The following PAM variants were observed in gnomAD, a reference collection of about 807,000 sequenced individuals.
PAM encodes peptidyl-glycine alpha-amidating monooxygenase.
PAM carries 72 observed loss-of-function variants against 122.1 expected under a neutral mutation model. That is an observed-to-expected ratio of 0.59 (90% CI 0.49 to 0.72). The LOEUF (loss-of-function observed/expected upper bound fraction) is 0.72, where lower values mean the gene tolerates loss of function less well. Among genes scored for constraint, PAM ranks in the 30% least tolerant of loss-of-function variants. PAM has a pLI of 0.00. For missense variants in PAM, 1,106 were observed against 1,183.7 expected (o/e 0.93, Z 0.96); for synonymous variants, 389 against 404.4 (o/e 0.96, Z 0.46).
At position 102,836,859 on chromosome 5, in the gene PAM, C is replaced by CGAGAGAGAGAGAGAGAGAGAGAGAGA. The variant is rs57617414; in HGVS notation, c.-373-28950_-373-28925dup. ...ATTATGGATGGACCAAGAAAGAAACCGAGAGAGAGAGAGAGAGAGAGAGAG... is the reference window on the plus strand; with the variant it reads ...ATTATGGATGGACCAAGAAAGAAACCGAGAGAGAGAGAGAGAGAGAGAGAGAGAGAGAGAGAGAGAGAGAGAGAGAG... On this transcript the variant is annotated intron_variant, in intron 1 of 25. Transcript: ENST00000438793. Among the ~76,000 whole-genome samples the CGAGAGAGAGAGAGAGAGAGAGAGAGA allele has an allele frequency of 2.6e-4, 32 of 120,824 alleles. 2 individuals are homozygous for CGAGAGAGAGAGAGAGAGAGAGAGAGA. In the South Asian group the frequency reaches 3.3e-3, roughly 13 times the overall value. The allele number at this position is 120,824 out of a possible 152,430, so 79.3% of individuals were successfully genotyped here.
At position 102,950,767 on chromosome 5, in the gene PAM, G is replaced by A. The variant is rs771103012; in HGVS notation, c.852G>A (p.Leu284=). ...TTGATGTAAGTTTTGGTGACCTACT[G>A]GCTGCAAGATGTGTATTCACTGGTG... ...HPVDVSFGDL[L]AARCVFTGEG... Residue 284 remains leucine, a synonymous_variant, in exon 12 of 26, where the codon CTG becomes CTA. Transcript: ENST00000438793. 2 of 1,612,386 alleles carry A rather than the reference G, an allele frequency of 1.2e-6. No homozygotes were observed. The highest frequency in any genetic ancestry group is 1.7e-6 in the Non-Finnish European group (2 of 1,178,732).
At chr5:103,014,174 G>T (rs949149691) in intron 21 of PAM, among the ~76,000 whole-genome samples, 1 of 152,138 alleles carries the variant, frequency 6.6e-6, no homozygotes, top group Non-Finnish European at 1.5e-5. Context: ...TAATGATAAT[G>T]TACTGTGTCA....
intron 1 of PAM, among the ~76,000 whole-genome samples, chr5:102,796,374 C>T (rs1763381383): frequency 6.6e-6 from 1 of 152,156 alleles, no homozygotes; most frequent in Admixed American, 6.5e-5. Context: ...TTATTTATTT[C>T]CCAGATGTCA....
chr5:102,765,763 G>A (rs988326762), intron 1 of PAM, among the ~76,000 whole-genome samples: 1 of 152,110 alleles, frequency 6.6e-6, no homozygotes, highest in African/African-American at 2.4e-5. Flanking sequence ...GCCTATACAT[G>A]GTTCCTTGTG....
chr5:102,970,794 TA>T (rs1021369350), intron 14 of PAM, among the ~76,000 whole-genome samples: 53 of 149,770 alleles, frequency 3.5e-4, no homozygotes, highest in African/African-American at 1.3e-3. Flanking sequence ...GCTTTTTTTT[TA>T]ATTTTATTTT....
intron 14 of PAM, among the ~76,000 whole-genome samples, chr5:102,973,049 T>A (rs372137028): frequency 4.6e-5 from 7 of 152,244 alleles, no homozygotes; most frequent in African/African-American, 1.7e-4. Flanking sequence ...TTCCTAATGG[T>A]CATGAAAAGA....
At chr5:102,778,510 A>G (rs564453322) in intron 1 of PAM, among the ~76,000 whole-genome samples, 20 of 152,284 alleles carry the variant, frequency 1.3e-4, no homozygotes, top group African/African-American at 4.3e-4. Context: ...TCTCCCTGGC[A>G]TTTAGAATGA....
At chr5:102,901,274 A>T (rs1265142585) in intron 3 of PAM, 82 bp from the exon 4 acceptor site, 1 of 818,494 alleles carries the variant, frequency 1.2e-6, no homozygotes, top group Non-Finnish European at 2.0e-6. Context: ...TTTTACAGTC[A>T]TAGAAGCCAC....
chr5:102,782,703 T>TTCTCTCTCTC (rs370769198), intron 1 of PAM, among the ~76,000 whole-genome samples: 2 of 142,906 alleles, frequency 1.4e-5, no homozygotes, highest in African/African-American at 5.3e-5. Flanking sequence ...CTTTCTCCAT[T>TTCTCTCTCTC]TCTCTCTCTC....
intron 1 of PAM, among the ~76,000 whole-genome samples, chr5:102,779,896 TATATATATATATATATATATATACACAC>T (rs1450783853): frequency 1.1e-5 from 1 of 91,850 alleles, no homozygotes; most frequent in Non-Finnish European, 2.1e-5. Context: ...CATATATATA[TATATATATATATATATATATATACACAC>T]ATATATATAT....
At chr5:102,804,709 T>C (rs1765749532) in intron 1 of PAM, among the ~76,000 whole-genome samples, 1 of 152,194 alleles carries the variant, frequency 6.6e-6, no homozygotes, top group Admixed American at 6.5e-5. Flanking sequence ...CAACCTAGAT[T>C]ATGAGGCTAA....
chr5:103,009,552 G>A (rs1369581170), intron 20 of PAM, among the ~76,000 whole-genome samples, 199 bp from the exon 21 acceptor site: 1 of 152,140 alleles, frequency 6.6e-6, no homozygotes, highest in Non-Finnish European at 1.5e-5. Flanking sequence ...CCTGTCACAA[G>A]GAGGTTAGTC....
chr5:102,997,846 A>G (rs1419644901), intron 16 of PAM, among the ~76,000 whole-genome samples: 2 of 152,212 alleles, frequency 1.3e-5, no homozygotes, highest in African/African-American at 2.4e-5. Context: ...TGCCATTGAT[A>G]GAGGATGTTT....
intron 1 of PAM, among the ~76,000 whole-genome samples, chr5:102,831,373 G>C (rs1193712963): frequency 4.0e-5 from 6 of 151,822 alleles, no homozygotes; most frequent in Non-Finnish European, 4.4e-5. Flanking sequence ...GTGTGAAAGA[G>C]AAATGTAGCT....
chr5:102,761,093 C>T (rs464068), intron 1 of PAM, among the ~76,000 whole-genome samples: 71,832 of 152,006 alleles, frequency 0.47, 17,468 homozygotes, highest in African/African-American at 0.58. Flanking sequence ...AGCACCTCGG[C>T]AGTGCCTGCT....
chr5:102,870,773 A>G (rs1787166368), intron 3 of PAM, among the ~76,000 whole-genome samples: 1 of 152,172 alleles, frequency 6.6e-6, no homozygotes, highest in Non-Finnish European at 1.5e-5. Context: ...AGATAAAGTC[A>G]GGATCTGGTG....
chr5:102,950,804 G>C lies in PAM; in HGVS notation c.889G>C (p.Glu297Gln). Residue 297 changes from glutamate to glutamine, a missense_variant, in exon 12 of 26, where the codon GAA becomes CAA. Glu to Gln is a conservative substitution (Grantham distance 29). This residue lies in a region of PAM where 670 missense variants were observed against 690.3 expected (regional missense o/e 0.97). Transcript: ENST00000438793. ...TGTATTCACTGGTGAAGGAAGGACA[G>C]AAGCCACACACATTGGGTATGATTC... ...RCVFTGEGRT[E>Q]ATHIGGTSSD... 1 of 1,601,700 alleles carries C rather than the reference G, an allele frequency of 6.2e-7. No homozygotes were observed. Among genetic ancestry groups the C allele is most frequent in the Non-Finnish European group, 8.6e-7 (1 of 1,169,094 alleles).
intron 1 of PAM, among the ~76,000 whole-genome samples, chr5:102,831,928 C>T (rs258243): frequency 0.68 from 102,820 of 151,104 alleles, 35,241 homozygotes; most frequent in South Asian, 0.82. Flanking sequence ...ATGTACTACA[C>T]CAGTCATTCA....
chr5:102,962,518 TAAC>T (rs1469502454), intron 14 of PAM, among the ~76,000 whole-genome samples: 1 of 151,814 alleles, frequency 6.6e-6, no homozygotes, highest in East Asian at 1.9e-4. Flanking sequence ...CATTTACAAA[TAAC>T]AACATATATG....
Sources: gnomAD v4.1 joint callset for allele counts (sites outside exome capture counted in the v4.1 genomes callset) on GRCh38, gnomAD v4.1.1 for gene constraint, gnomAD v4.1.1 regional missense constraint, MANE v1.5 for transcripts, NCBI Gene and HGNC (gene_info 2026-07-23, HGNC 2026-07-21) for gene names.